RERE: variants seen among roughly 807,000 people sequenced by gnomAD.
The protein encoded by RERE is arginine-glutamic acid dipeptide repeats, also known as arginine-glutamic acid dipeptide repeats protein.
RERE carries 40 observed loss-of-function variants against 146.1 expected under a neutral mutation model. The observed-to-expected ratio is 0.27, with a 90% CI of 0.21 to 0.36. The LOEUF is 0.36. RERE is among the 10% of genes least tolerant of loss of function. RERE has a pLI of 1.00. For synonymous variants in RERE, 1,003 were observed against 866.0 expected, an observed-to-expected ratio of 1.16 and a Z score of -2.78; for missense variants, 1,933 against 2,138.7, an observed-to-expected ratio of 0.90 and a Z score of 1.90.
At chr1:8,786,310 A>C (rs1035205027) in intron 1 of RERE, 1 of 897,718 alleles carries the variant, frequency 1.1e-6, no homozygotes, top group Non-Finnish European at 1.8e-6. Context: ...AAATAATTTG[A>C]AGGGCCACAG....
intron 2 of RERE, among the ~76,000 whole-genome samples, chr1:8,630,928 C>G (rs1647027699): frequency 6.6e-6 from 1 of 152,144 alleles, no homozygotes; most frequent in African/African-American, 2.4e-5. Flanking sequence ...TTGTTCCCCT[C>G]TTTTTTAAAC....
intron 1 of RERE, among the ~76,000 whole-genome samples, chr1:8,700,073 G>A (rs997268080): frequency 2.0e-5 from 3 of 152,162 alleles, no homozygotes; most frequent in South Asian, 2.1e-4. Context: ...TTGGGAGGCC[G>A]AGGCGAGTGG....
intron 1 of RERE, among the ~76,000 whole-genome samples, chr1:8,663,746 G>A (rs1638508263): frequency 6.6e-6 from 1 of 151,996 alleles, no homozygotes; most frequent in African/African-American, 2.4e-5. Flanking sequence ...CCTTTTCAAA[G>A]ATTATGGGGC....
chr1:8,769,053 C>T (rs1189381579), intron 1 of RERE, among the ~76,000 whole-genome samples: 1 of 152,122 alleles, frequency 6.6e-6, no homozygotes, highest in Non-Finnish European at 1.5e-5. Context: ...AGCATGTATC[C>T]ATGCTTTGGG....
intron 1 of RERE, among the ~76,000 whole-genome samples, chr1:8,777,944 GTA>G (rs1374273328): frequency 6.7e-6 from 1 of 149,992 alleles, no homozygotes; most frequent in African/African-American, 2.5e-5. Flanking sequence ...GCCAAATGTT[GTA>G]TTACTAATAG....
intron 1 of RERE, among the ~76,000 whole-genome samples, chr1:8,767,187 G>T (rs2124540241): frequency 6.6e-6 from 1 of 152,280 alleles, no homozygotes; most frequent in East Asian, 1.9e-4. Flanking sequence ...AAACCGAGAA[G>T]TTCTAATTTG....
chr1:8,676,641 C>T (rs1638847452), intron 1 of RERE, among the ~76,000 whole-genome samples: 1 of 152,210 alleles, frequency 6.6e-6, no homozygotes, highest in African/African-American at 2.4e-5. Context: ...AAAAGTATCT[C>T]TGCCCTCAAT....
chr1:8,716,299 C>CAAAAAAAAAAAAAAAAAAAAAAAAATAAA (rs34590852), intron 1 of RERE, among the ~76,000 whole-genome samples: 1 of 109,590 alleles, frequency 9.1e-6, no homozygotes. Context: ...CTCATCTCTA[C>CAAAAAAAAAAAAAAAAAAAAAAAAATAAA]AAAAAAAAAA....
intron 4 of RERE, among the ~76,000 whole-genome samples, chr1:8,568,657 G>A (rs1646181155): frequency 6.6e-6 from 1 of 152,152 alleles, no homozygotes; most frequent in Non-Finnish European, 1.5e-5. Flanking sequence ...AGGCCAACCA[G>A]ATGCAGCCCC....
intron 1 of RERE, among the ~76,000 whole-genome samples, chr1:8,709,569 T>C (rs1557495717): frequency 6.6e-6 from 1 of 152,154 alleles, no homozygotes; most frequent in Non-Finnish European, 1.5e-5. Flanking sequence ...TGTCTGAGGG[T>C]TCACTTGTTG....
chr1:8,358,838 C>G lies in RERE; in HGVS notation c.3697G>C (p.Glu1233Gln). The G allele has an allele frequency of 6.2e-7, 1 of 1,606,908 alleles. No homozygotes were observed. The highest frequency in any genetic ancestry group is 8.5e-7 in the Non-Finnish European group (1 of 1,176,212). The change falls in exon 20 of 23, where the codon GAG becomes CAG. Residue 1233 changes from glutamate (E) to glutamine (Q), a missense_variant. By Grantham distance (29) the Glu-to-Gln change is conservative (BLOSUM62 2). Around this residue, in one of 11 missense-constraint regions of RERE, gnomAD observed 1,255 missense variants for 1,153.8 expected, o/e 1.09. Coordinates refer to ENST00000400908, the MANE Select transcript of RERE (RefSeq NM_001042681.2). ...SGPGHMRPSFEPPPTTIAAVP... is the reference protein window; with the variant it reads ...SGPGHMRPSFQPPPTTIAAVP... ...GCAGCAATGGTGGTTGGTGGTGGCT[C>G]GAAGGATGGCCGCATGTGGCCAGGA...
At chr1:8,773,065 C>A (rs1640985087) in intron 1 of RERE, among the ~76,000 whole-genome samples, 1 of 152,030 alleles carries the variant, frequency 6.6e-6, no homozygotes, top group Non-Finnish European at 1.5e-5. Context: ...CCAGCCTGGG[C>A]AACTAAGAAA....
chr1:8,360,367 A>T lies in RERE; in HGVS notation c.3140T>A (p.Ile1047Asn), dbSNP rs761659829. The change falls in exon 18 of 23, where the codon ATC (isoleucine) becomes AAC (asparagine). Residue 1047 changes from isoleucine (I) to asparagine (N), a missense_variant. Coordinates refer to ENST00000400908, the MANE Select transcript of RERE (RefSeq NM_001042681.2). The part of the protein sequence containing the change: ...HPFVPGGPPP[I>N]TPPTCPSTST... ...GGTGGAGGGGCAGGTCGGAGGGGTG[A>T]TGGGAGGAGGGCCTCCAGGGACAAA... The T allele has an allele frequency of 8.9e-4, 1,120 of 1,262,118 alleles. No homozygotes were observed. The highest frequency in any genetic ancestry group is 1.1e-3 in the Non-Finnish European group (1,070 of 983,466). 78.2% of individuals were successfully genotyped at this position (1,262,118 alleles called of 1,614,324 possible). A position where few individuals can be genotyped will look rare whatever the true frequency, so the allele number is the denominator to read the frequency against.
intron 1 of RERE, among the ~76,000 whole-genome samples, chr1:8,742,707 G>A (rs2124504811): frequency 6.6e-6 from 1 of 152,038 alleles, no homozygotes; most frequent in Non-Finnish European, 1.5e-5. Context: ...AGCCAGGCAT[G>A]ATGGTTAAAA....
At chr1:8,415,276 T>C (rs888385567) in intron 12 of RERE, among the ~76,000 whole-genome samples, 26 of 152,242 alleles carry the variant, frequency 1.7e-4, no homozygotes. Context: ...TTTGTTTTAC[T>C]AGCTAATAAA....
At chr1:8,681,210 T>C (rs1366960144) in intron 1 of RERE, among the ~76,000 whole-genome samples, 1 of 152,190 alleles carries the variant, frequency 6.6e-6, no homozygotes, top group African/African-American at 2.4e-5. Flanking sequence ...CCTACCACTT[T>C]CTCACTGGTG....
intron 1 of RERE, chr1:8,786,282 C>A: frequency 1.0e-6 from 1 of 959,224 alleles, no homozygotes; most frequent in Non-Finnish European, 1.6e-6. Flanking sequence ...GGTTTTTCTT[C>A]ATTCTATCTT....
rs1469961978 is a variant in RERE, at chr1:8,355,123, G to A, written c.4668-3C>T. The A allele has an allele frequency of 1.2e-6, 2 of 1,613,888 alleles. No homozygotes were observed. The highest frequency in any genetic ancestry group is 2.2e-5 in the South Asian group (2 of 91,072). ...TGTCACCTTCTTTCTTCAGTCGACTGGAAAGACAAAACAGGAAAGCGTATT... is the reference window on the plus strand; with the variant it reads ...TGTCACCTTCTTTCTTCAGTCGACTAGAAAGACAAAACAGGAAAGCGTATT... On this transcript the variant is annotated splice_region_variant and splice_polypyrimidine_tract_variant and intron_variant, in intron 22 of 22. Transcript: ENST00000400908.
intron 11 of RERE, among the ~76,000 whole-genome samples, chr1:8,461,226 A>C (rs1237711593): frequency 2.0e-5 from 3 of 151,402 alleles, no homozygotes; most frequent in Non-Finnish European, 2.9e-5. Context: ...TTTTTTTTTA[A>C]TGTTTTAATC....
Sources: allele counts gnomAD v4.1 joint callset (sites outside exome capture counted in the v4.1 genomes callset), GRCh38; gene constraint gnomAD v4.1.1; regional missense constraint gnomAD v4.1.1; transcripts MANE v1.5; gene names NCBI Gene and HGNC (gene_info 2026-07-23, HGNC 2026-07-21).